Variants in MSRA observed in about 807,000 individuals in gnomAD.
The protein encoded by MSRA is mitochondrial peptide methionine sulfoxide reductase.
MSRA carries 54 observed loss-of-function variants against 31.3 expected under a neutral mutation model. That is an observed-to-expected ratio of 1.73 (90% CI 1.39 to 2.17). The LOEUF is 2.17. Ranked by LOEUF, MSRA falls within the 30% of genes most tolerant of loss-of-function variation. The pLI, the probability that MSRA is intolerant of heterozygous loss-of-function variation, is 0.00. For missense variants in MSRA, 507 were observed against 300.9 expected, an observed-to-expected ratio of 1.69 and a Z score of -5.07; for synonymous variants, 169 against 116.5, an observed-to-expected ratio of 1.45 and a Z score of -2.90.
At chr8:10,337,561 C>G in intron 5 of MSRA, 2 of 621,464 alleles carry the variant, frequency 3.2e-6, no homozygotes, top group Non-Finnish European at 5.8e-6. Flanking sequence ...TGATATACAT[C>G]AATCCATGTT....
At chr8:10,235,918 C>T (rs1043342967) in intron 2 of MSRA, among the ~76,000 whole-genome samples, 1 of 152,026 alleles carries the variant, frequency 6.6e-6, no homozygotes. Flanking sequence ...AATAAAATAG[C>T]ACAGGTAGTT....
intron 5 of MSRA, among the ~76,000 whole-genome samples, chr8:10,349,547 G>A (rs1305214403): frequency 6.6e-6 from 1 of 152,190 alleles, no homozygotes; most frequent in East Asian, 1.9e-4. Context: ...GTGCACTCAT[G>A]ACCTTGAACG....
intron 5 of MSRA, among the ~76,000 whole-genome samples, chr8:10,339,564 C>T (rs1397255320): frequency 6.0e-5 from 6 of 100,518 alleles, no homozygotes; most frequent in East Asian, 3.8e-4. Flanking sequence ...TTTTCTGAGA[C>T]GGAATCTCGT....
At chr8:10,080,802 G>A (rs1163422037) in intron 1 of MSRA, among the ~76,000 whole-genome samples, 1 of 151,822 alleles carries the variant, frequency 6.6e-6, no homozygotes, top group East Asian at 1.9e-4. Flanking sequence ...GCCTCCCAAA[G>A]TGCTGGGATT....
chr8:10,222,080 C>A (rs116709974), intron 2 of MSRA, among the ~76,000 whole-genome samples: 2,287 of 145,034 alleles, frequency 0.016, 67 homozygotes, highest in African/African-American at 0.055. Context: ...TATGACGTGA[C>A]TTTTTTTTTT....
intron 3 of MSRA, among the ~76,000 whole-genome samples, chr8:10,295,977 C>G (rs934033969): frequency 6.6e-6 from 1 of 152,198 alleles, no homozygotes; most frequent in Non-Finnish European, 1.5e-5. Context: ...CTCATTAAAC[C>G]TGGCTTAATA....
At chr8:10,142,867 A>G (rs1802829201) in intron 1 of MSRA, among the ~76,000 whole-genome samples, 17 of 152,334 alleles carry the variant, frequency 1.1e-4, no homozygotes, top group Admixed American at 1.0e-3. Flanking sequence ...TTGAGTAACT[A>G]TTAGAAAATA....
chr8:10,283,403 T>C (rs557531600), intron 3 of MSRA, among the ~76,000 whole-genome samples: 1 of 152,284 alleles, frequency 6.6e-6, no homozygotes, highest in Non-Finnish European at 1.5e-5. Context: ...GGGTGAACTA[T>C]AGAAGAAATG....
chr8:10,213,584 G>A (rs1304381953), intron 2 of MSRA, among the ~76,000 whole-genome samples: 4 of 151,716 alleles, frequency 2.6e-5, no homozygotes, highest in African/African-American at 9.7e-5. Flanking sequence ...TGACAGGTGC[G>A]TGCCAACATG....
chr8:10,266,618 T>A (rs1266785581), intron 3 of MSRA, among the ~76,000 whole-genome samples: 1 of 152,078 alleles, frequency 6.6e-6, no homozygotes, highest in African/African-American at 2.4e-5. Flanking sequence ...TTTTTTTTTT[T>A]ATGGATGAAA....
chr8:10,243,032 G>A (rs1192028673), intron 2 of MSRA, among the ~76,000 whole-genome samples: 4 of 152,126 alleles, frequency 2.6e-5, no homozygotes, highest in Admixed American at 2.0e-4. Context: ...TCTACTTGCA[G>A]CTAATGTTTT....
chr8:10,415,261 C>T (rs1585728078), intron 5 of MSRA, among the ~76,000 whole-genome samples: 1 of 152,180 alleles, frequency 6.6e-6, no homozygotes, highest in Non-Finnish European at 1.5e-5. Flanking sequence ...ATTCCCCTTG[C>T]ATCTAGGAAG....
In MSRA at chr8:10,407,067, G is replaced by C. The variant is rs1362310683; in HGVS notation, c.544-21081G>C. Among the ~76,000 whole-genome samples, 4 of 151,674 alleles carry C rather than the reference G, an allele frequency of 2.6e-5. No homozygotes were observed. In the East Asian group the frequency reaches 7.7e-4, roughly 29 times the overall value. On this transcript the variant is annotated intron_variant, in intron 5 of 5. Coordinates refer to ENST00000317173, the MANE Select transcript of MSRA (RefSeq NM_012331.5). ...TAATTTTTTTATTTTTTGTGGAGGT[G>C]AGGTTCACTGTGTTACCCAGGCTGA...
At chr8:10,178,737 A>C (rs1806281050) in intron 1 of MSRA, among the ~76,000 whole-genome samples, 1 of 152,160 alleles carries the variant, frequency 6.6e-6, no homozygotes, top group African/African-American at 2.4e-5. Flanking sequence ...TGTGATGTTG[A>C]AAGATTGGAA....
At chr8:10,294,170 C>T (rs1002007086) in intron 3 of MSRA, among the ~76,000 whole-genome samples, 2 of 152,134 alleles carry the variant, frequency 1.3e-5, no homozygotes, top group Non-Finnish European at 2.9e-5. Flanking sequence ...CACTGCACTC[C>T]AGCCTGGGCA....
chr8:10,248,457 G>C (rs553390744), intron 3 of MSRA, among the ~76,000 whole-genome samples: 2 of 152,234 alleles, frequency 1.3e-5, no homozygotes, highest in South Asian at 4.1e-4. Flanking sequence ...GCTTCCACAA[G>C]CATTATCTCA....
At chr8:10,135,106 A>G (rs1440357908) in intron 1 of MSRA, among the ~76,000 whole-genome samples, 3 of 152,258 alleles carry the variant, frequency 2.0e-5, no homozygotes, top group Admixed American at 1.3e-4. Flanking sequence ...AGGCACTGTC[A>G]TTTTAGAACT....
intron 1 of MSRA, among the ~76,000 whole-genome samples, chr8:10,080,234 A>G (rs1798225118): frequency 6.6e-6 from 1 of 152,044 alleles, no homozygotes. Context: ...TTATGAATCC[A>G]TATCCCTGCC....
chr8:10,082,082 C>CGTA, intron 1 of MSRA, among the ~76,000 whole-genome samples: 1 of 152,008 alleles, frequency 6.6e-6, no homozygotes, highest in East Asian at 1.9e-4. Context: ...GGTGTGCACC[C>CGTA]GTAGTCCCAG....
Sources: gnomAD v4.1 joint callset for allele counts (sites outside exome capture counted in the v4.1 genomes callset) on GRCh38, gnomAD v4.1.1 for gene constraint, MANE v1.5 for transcripts, NCBI Gene and HGNC (gene_info 2026-07-23, HGNC 2026-07-21) for gene names.